The following ZSWIM5 variants were observed in gnomAD, a reference collection of about 807,000 sequenced individuals.
ZSWIM5 encodes the protein zinc finger SWIM-type containing 5.
ZSWIM5 carries 55 observed loss-of-function variants against 119.6 expected under a neutral mutation model. The ratio of observed to expected loss-of-function variants is 0.46; its 90% CI spans 0.37 to 0.58. The LOEUF is 0.58. ZSWIM5 is among the 20% of genes least tolerant of loss of function. The pLI is 0.00. For missense variants in ZSWIM5, 1,193 were observed against 1,512.8 expected (o/e 0.79, Z 3.51); for synonymous variants, 537 against 606.9 (o/e 0.88, Z 1.69).
chr1:45,125,766 A>G (rs79495806), intron 1 of ZSWIM5, among the ~76,000 whole-genome samples: 1 of 95,108 alleles, frequency 1.1e-5, no homozygotes. Flanking sequence ...TCCGTTTCAC[A>G]AAAAAAAAAA....
intron 1 of ZSWIM5, among the ~76,000 whole-genome samples, chr1:45,092,650 T>C (rs1410299506): frequency 6.6e-6 from 1 of 150,602 alleles, no homozygotes; most frequent in African/African-American, 2.4e-5. Context: ...GGTACCCAGC[T>C]ATTCAACCAA....
intron 1 of ZSWIM5, among the ~76,000 whole-genome samples, chr1:45,149,917 C>G (rs956933479): frequency 3.3e-5 from 5 of 152,032 alleles, no homozygotes; most frequent in African/African-American, 1.2e-4. Flanking sequence ...ACACCTATAA[C>G]TCCAGCTTTG....
At chr1:45,129,601 A>C (rs1486721885) in intron 1 of ZSWIM5, among the ~76,000 whole-genome samples, 1 of 152,178 alleles carries the variant, frequency 6.6e-6, no homozygotes, top group Non-Finnish European at 1.5e-5. Context: ...TGACTTTCAT[A>C]TATTTACCTG....
intron 4 of ZSWIM5, among the ~76,000 whole-genome samples, chr1:45,055,596 C>G (rs1057158570): frequency 2.6e-5 from 4 of 152,158 alleles, no homozygotes; most frequent in Non-Finnish European, 5.9e-5. Context: ...GGGGAAAGAT[C>G]AGGGCTAGAG....
At chr1:45,103,923 T>C (rs1229232234) in intron 1 of ZSWIM5, among the ~76,000 whole-genome samples, 1 of 152,190 alleles carries the variant, frequency 6.6e-6, no homozygotes, top group Admixed American at 6.5e-5. Flanking sequence ...CCTAGGCAGG[T>C]GTTAATGCAT....
At chr1:45,201,772 C>T (rs1646159708) in intron 1 of ZSWIM5, among the ~76,000 whole-genome samples, 2 of 152,126 alleles carry the variant, frequency 1.3e-5, no homozygotes, top group Non-Finnish European at 2.9e-5. Flanking sequence ...CCATTCGTCA[C>T]ACAAAATAGA....
intron 1 of ZSWIM5, among the ~76,000 whole-genome samples, chr1:45,196,068 G>A (rs1214885979): frequency 3.2e-5 from 4 of 125,748 alleles, no homozygotes; most frequent in Admixed American, 2.4e-4. Flanking sequence ...TAAAGATGAG[G>A]TCTCAATATG....
At chr1:45,054,091 G>A (rs1317349037) in intron 4 of ZSWIM5, among the ~76,000 whole-genome samples, 2 of 151,948 alleles carry the variant, frequency 1.3e-5, no homozygotes, top group Non-Finnish European at 2.9e-5. Flanking sequence ...ATCAGCCTGG[G>A]CAACATAGTG....
At chr1:45,200,064 T>A (rs1646149869) in intron 1 of ZSWIM5, among the ~76,000 whole-genome samples, 1 of 152,174 alleles carries the variant, frequency 6.6e-6, no homozygotes, top group African/African-American at 2.4e-5. Context: ...CAGTTACATA[T>A]AAATCAATTA....
At chr1:45,120,251 G>A (rs1415603509) in intron 1 of ZSWIM5, among the ~76,000 whole-genome samples, 2 of 152,180 alleles carry the variant, frequency 1.3e-5, no homozygotes, top group Admixed American at 6.5e-5. Flanking sequence ...GGCTGAGGCA[G>A]GAGAATCACT....
intron 1 of ZSWIM5, among the ~76,000 whole-genome samples, chr1:45,153,305 C>T (rs554378715): frequency 4.6e-5 from 7 of 151,534 alleles, no homozygotes; most frequent in East Asian, 3.9e-4. Context: ...GCAGATTACC[C>T]GAGGTCAGAA....
intron 1 of ZSWIM5, among the ~76,000 whole-genome samples, chr1:45,193,908 G>A (rs1646106330): frequency 6.6e-6 from 1 of 150,432 alleles, no homozygotes; most frequent in Admixed American, 6.6e-5. Flanking sequence ...ATTTGTGATA[G>A]TACGTATGTG....
At chr1:45,048,501 G>C (rs1277912025) in intron 5 of ZSWIM5, among the ~76,000 whole-genome samples, 1 of 152,148 alleles carries the variant, frequency 6.6e-6, no homozygotes, top group African/African-American at 2.4e-5. Context: ...GGACTCTAAC[G>C]TGGATGAGGA....
chr1:45,086,277 G>T (rs1344450646), intron 2 of ZSWIM5, among the ~76,000 whole-genome samples: 1 of 152,062 alleles, frequency 6.6e-6, no homozygotes, highest in African/African-American at 2.4e-5. Flanking sequence ...CTCCCACAAG[G>T]CCCCTCCTCC....
At chr1:45,062,768 A>G (rs550944050) in intron 2 of ZSWIM5, among the ~76,000 whole-genome samples, 1 of 152,226 alleles carries the variant, frequency 6.6e-6, no homozygotes, top group East Asian at 1.9e-4. Context: ...CAGCCTCCCA[A>G]AGTGTTATTA....
chr1:45,164,571 G>A lies in ZSWIM5; in HGVS notation c.595+41185C>T, dbSNP rs61788452. 3.0e-4 allele frequency among the ~76,000 whole-genome samples: 45 copies of A among 152,182 alleles called. No individual in the cohort carries two copies. The East Asian group carries it at 7.5e-3, about 25-fold the overall frequency. ...ACCCATCAGTGTGCTGTATTCAGGAGACCCATCTCACGTGCAGAGACACAC... is the reference window on the plus strand; with the variant it reads ...ACCCATCAGTGTGCTGTATTCAGGAAACCCATCTCACGTGCAGAGACACAC... On this transcript the variant is annotated intron_variant, in intron 1 of 13. Transcript: ENST00000359600.
intron 1 of ZSWIM5, among the ~76,000 whole-genome samples, chr1:45,199,627 A>T (rs1261078524): frequency 6.6e-6 from 1 of 151,914 alleles, no homozygotes; most frequent in Non-Finnish European, 1.5e-5. Flanking sequence ...ACTATGTTAT[A>T]CTCCCCTAAA....
chr1:45,029,637 T>C (rs1435081801), intron 11 of ZSWIM5, among the ~76,000 whole-genome samples: 5 of 152,226 alleles, frequency 3.3e-5, no homozygotes, highest in Non-Finnish European at 5.9e-5. Flanking sequence ...TTTGAATCCA[T>C]TGATATTTCC....
rs1645130131 is a variant in ZSWIM5 at position 45,057,550 on chromosome 1, C to T, written c.1252+1059G>A. ...ACTCTCCCAAGGCTAACTTCAAGTT[C>T]TTAAGGAACATGCACTTTGAAGAAA... On this transcript the variant is annotated intron_variant, in intron 4 of 13. Transcript: ENST00000359600. This position sits in a 1 kb window ranked among gnomAD's most constrained non-coding sequence, Gnocchi z 4.7. 6.6e-6 allele frequency among the ~76,000 whole-genome samples: 1 copy of T among 152,122 alleles called. No individual in the cohort carries two copies. Among genetic ancestry groups the T allele is most frequent in the African/African-American group, 2.4e-5 (1 of 41,408 alleles).
Sources: gnomAD v4.1 joint callset for allele counts (sites outside exome capture counted in the v4.1 genomes callset) on GRCh38, gnomAD v4.1.1 for gene constraint, Gnocchi (gnomAD v3.1) non-coding constraint, MANE v1.5 for transcripts, NCBI Gene and HGNC (gene_info 2026-07-23, HGNC 2026-07-21) for gene names.